Variants in P2RY14 observed in about 807,000 individuals in gnomAD.
P2RY14 encodes P2Y purinoceptor 14.
A neutral mutation model predicts 0.9 loss-of-function variants in P2RY14; 2 were observed. That is an observed-to-expected ratio of 2.16 (90% confidence interval 0.88 to 6.79). The LOEUF (loss-of-function observed/expected upper bound fraction) is 6.79, where lower values mean the gene tolerates loss of function less well. Among genes scored for constraint, P2RY14 ranks in the 30% most tolerant of loss-of-function variants. The pLI, the probability that P2RY14 is intolerant of heterozygous loss-of-function variation, is 0.05. For missense variants in P2RY14, 378 were observed against 400.1 expected (o/e 0.94, Z 0.47); for synonymous variants, 158 against 147.2 (o/e 1.07, Z -0.53).
rs190213021 is a variant in P2RY14 at position 151,216,421 on chromosome 3, A to G, written c.-24-2081T>C. Reference sequence around the variant, plus strand: ...GCATGACAAAGGGATATTTTGAAATATGGAATATGAAATACAGTCACATTC... The same window carrying G: ...GCATGACAAAGGGATATTTTGAAATGTGGAATATGAAATACAGTCACATTC... On this transcript the variant is annotated intron_variant, in intron 2 of 2. Transcript: ENST00000309170. Among the ~76,000 whole-genome samples, 236 of 152,350 alleles carry G rather than the reference A, an allele frequency of 1.5e-3. 1 individual carries two copies. Among genetic ancestry groups the G allele is most frequent in the African/African-American group, 5.4e-3 (225 of 41,586 alleles).
rs115368864 is a variant in P2RY14 at position 151,269,137 on chromosome 3, C to T, written c.-133+9150G>A. ...TACAAAAGGAAATACAGGCTGGGCG[C>T]GGTGGCTTATGCCTATACTCTGGGA... On this transcript the variant is annotated intron_variant, in intron 1 of 2. Transcript: ENST00000309170. Among the ~76,000 whole-genome samples the T allele has an allele frequency of 7.9e-3, 1,210 of 152,204 alleles. 24 individuals carry two copies. Among genetic ancestry groups the T allele is most frequent in the African/African-American group, 0.028 (1,165 of 41,538 alleles).
intron 1 of P2RY14, among the ~76,000 whole-genome samples, chr3:151,256,551 A>G (rs1030316285): frequency 1.1e-4 from 17 of 152,010 alleles, no homozygotes; most frequent in African/African-American, 3.9e-4. Flanking sequence ...GGGTTTTGCT[A>G]TTTTTTTCCT....
intron 1 of P2RY14, among the ~76,000 whole-genome samples, chr3:151,278,062 A>T (rs1742187449): frequency 6.6e-6 from 1 of 152,240 alleles, no homozygotes; most frequent in Admixed American, 6.5e-5. Flanking sequence ...GAAATCCTAA[A>T]TCATAAATGA....
chr3:151,237,350 C>CTTT (rs57239604), intron 1 of P2RY14, among the ~76,000 whole-genome samples: 27,114 of 94,388 alleles, frequency 0.29, 4,538 homozygotes, highest in East Asian at 0.46. Flanking sequence ...TTTTTTTTTT[C>CTTT]TTTTTTTTTT....
intron 1 of P2RY14, among the ~76,000 whole-genome samples, chr3:151,231,558 T>G (rs1731678912): frequency 6.6e-6 from 1 of 152,138 alleles, no homozygotes; most frequent in African/African-American, 2.4e-5. Context: ...ATATGAAACA[T>G]TTGATAAAGC....
At chr3:151,218,251 A>G (rs1001993047) in intron 2 of P2RY14, among the ~76,000 whole-genome samples, 1 of 152,210 alleles carries the variant, frequency 6.6e-6, no homozygotes, top group African/African-American at 2.4e-5. Context: ...CCCACTTCTC[A>G]GTTGATTCAC....
intron 1 of P2RY14, among the ~76,000 whole-genome samples, chr3:151,229,502 G>A (rs1184287776): frequency 3.3e-5 from 4 of 121,266 alleles, no homozygotes; most frequent in East Asian, 2.3e-4. Context: ...TTTTTGAGAC[G>A]GAGTCTCACT....
At position 151,231,826 on chromosome 3, in the gene P2RY14, T is replaced by C. The variant is rs137861872; in HGVS notation, c.-132-12184A>G. Among the ~76,000 whole-genome samples the C allele has an allele frequency of 4.5e-4, 69 of 152,302 alleles. 1 individual carries two copies. The highest frequency in any genetic ancestry group is 3.7e-4 in the Non-Finnish European group (25 of 68,018). ...TGGTGTGGTTAAGCGAGAGAGTATT[T>C]AGAGATGCTTATTGAAGTATTTAGA... On this transcript the variant is annotated intron_variant, in intron 1 of 2. Coordinates refer to ENST00000309170, the MANE Select transcript of P2RY14 (RefSeq NM_014879.4).
At chr3:151,247,531 A>C (rs1184582133) in intron 1 of P2RY14, among the ~76,000 whole-genome samples, 1 of 149,594 alleles carries the variant, frequency 6.7e-6, no homozygotes, top group Non-Finnish European at 1.5e-5. Flanking sequence ...CAAACACTGC[A>C]TATTCTCACT....
intron 1 of P2RY14, among the ~76,000 whole-genome samples, chr3:151,244,153 C>T (rs1486506450): frequency 1.5e-5 from 2 of 130,562 alleles, no homozygotes; most frequent in East Asian, 4.7e-4. Flanking sequence ...CTTAGACTCC[C>T]ACACATTAAT....
At chr3:151,267,956 A>G (rs980134214) in intron 1 of P2RY14, among the ~76,000 whole-genome samples, 1 of 152,180 alleles carries the variant, frequency 6.6e-6, no homozygotes, top group African/African-American at 2.4e-5. Context: ...CTATTATCCT[A>G]ATTTATGAAT....
At chr3:151,274,377 G>C (rs1741498782) in intron 1 of P2RY14, among the ~76,000 whole-genome samples, 1 of 152,102 alleles carries the variant, frequency 6.6e-6, no homozygotes, top group South Asian at 2.1e-4. Flanking sequence ...TTTTATCTCA[G>C]ACCATATCCT....
chr3:151,272,361 C>T (rs935505165), intron 1 of P2RY14, among the ~76,000 whole-genome samples: 1 of 152,184 alleles, frequency 6.6e-6, no homozygotes, highest in Non-Finnish European at 1.5e-5. Context: ...TGTTTTTCTA[C>T]TCAGTATATC....
At chr3:151,236,175 A>G (rs1191097561) in intron 1 of P2RY14, among the ~76,000 whole-genome samples, 3 of 152,210 alleles carry the variant, frequency 2.0e-5, no homozygotes, top group East Asian at 1.9e-4. Context: ...TAGAAGCTCA[A>G]TGAATATTTA....
At chr3:151,269,066 A>G (rs1198881870) in intron 1 of P2RY14, among the ~76,000 whole-genome samples, 1 of 152,218 alleles carries the variant, frequency 6.6e-6, no homozygotes, top group South Asian at 2.1e-4. Flanking sequence ...CTTGCTGAAG[A>G]AGGGAGAAAA....
chr3:151,270,465 C>T (rs1041511633), intron 1 of P2RY14, among the ~76,000 whole-genome samples: 1 of 152,174 alleles, frequency 6.6e-6, no homozygotes, highest in Non-Finnish European at 1.5e-5. Context: ...TCCCTTTGCT[C>T]TGCTGGAATT....
At chr3:151,277,290 A>G (rs1187973741) in intron 1 of P2RY14, among the ~76,000 whole-genome samples, 1 of 151,972 alleles carries the variant, frequency 6.6e-6, no homozygotes, top group Non-Finnish European at 1.5e-5. Flanking sequence ...AATTGTATGC[A>G]TGTTTGTATA....
intron 1 of P2RY14, among the ~76,000 whole-genome samples, chr3:151,260,072 G>A (rs1185801602): frequency 6.6e-6 from 1 of 152,152 alleles, no homozygotes; most frequent in Non-Finnish European, 1.5e-5. Flanking sequence ...CTCACTGCTG[G>A]GGATATGGTG....
chr3:151,256,812 T>C (rs988559663), intron 1 of P2RY14, among the ~76,000 whole-genome samples: 5 of 141,414 alleles, frequency 3.5e-5, no homozygotes, highest in African/African-American at 1.3e-4. Flanking sequence ...ATTAATCCAG[T>C]CTGTTTTTTT....
Sources: allele counts gnomAD v4.1 joint callset (sites outside exome capture counted in the v4.1 genomes callset), GRCh38; gene constraint gnomAD v4.1.1; transcripts MANE v1.5; gene names NCBI Gene and HGNC (gene_info 2026-07-23, HGNC 2026-07-21).